The following CRYBA1 variants were observed in gnomAD, a reference collection of about 807,000 sequenced individuals.
CRYBA1 encodes crystallin beta A1, also known as beta-crystallin A3.
A neutral mutation model predicts 36.2 loss-of-function variants in CRYBA1; 25 were observed. That is an observed-to-expected ratio of 0.69 (90% confidence interval 0.50 to 0.97). CRYBA1 has a LOEUF of 0.97. Ranked by LOEUF, CRYBA1 falls within the 50% of genes least tolerant of loss-of-function variation. The probability of loss-of-function intolerance (pLI) is 0.00; values close to 1 mark genes in which losing one functional copy is unlikely to be tolerated. For missense variants in CRYBA1, 224 were observed against 276.3 expected, an observed-to-expected ratio of 0.81 and a Z score of 1.34; for synonymous variants, 111 against 90.0, an observed-to-expected ratio of 1.23 and a Z score of -1.32.
intron 3 of CRYBA1, 136 bp from the exon 4 acceptor site, chr17:29,251,928 A>C: frequency 1.8e-6 from 2 of 1,111,952 alleles, no homozygotes; most frequent in Non-Finnish European, 2.7e-6. Flanking sequence ...TCTTGTGACA[A>C]ATTACTTTGT....
intron 3 of CRYBA1, among the ~76,000 whole-genome samples, 170 bp from the exon 4 acceptor site, chr17:29,251,894 A>G (rs528138213): frequency 1.3e-5 from 2 of 152,318 alleles, no homozygotes; most frequent in African/African-American, 4.8e-5. Flanking sequence ...CCTGCTTAGT[A>G]TACCTGTCAA....
Position 29,254,217 on chromosome 17 carries a change from A to G in CRYBA1, c.516A>G (p.Gln172=), listed in dbSNP as rs1707984511. 6.2e-7 allele frequency: 1 copy of G among 1,614,068 alleles called. No individual in the cohort carries two copies. Among genetic ancestry groups the G allele is most frequent in the East Asian group, 2.2e-5 (1 of 44,894 alleles). The change falls in exon 6 of 6, where the codon CAA becomes CAG. Residue 172 remains glutamine, a synonymous_variant. Transcript: ENST00000225387. The part of the protein sequence containing the change: ...KIQSGAWVCY[Q]YPGYRGYQYI... Reference sequence around the variant, plus strand: ...AATTTCCTAGCTGGGTTTGCTACCAATATCCTGGATATCGTGGGTATCAGT... The same window carrying G: ...AATTTCCTAGCTGGGTTTGCTACCAGTATCCTGGATATCGTGGGTATCAGT...
chr17:29,253,713 A>C lies in CRYBA1; in HGVS notation c.431A>C (p.Asp144Ala). The C allele has an allele frequency of 6.2e-7, 1 of 1,614,190 alleles. No individual in the cohort carries two copies. The highest frequency in any genetic ancestry group is 8.5e-7 in the Non-Finnish European group (1 of 1,180,020). Residue 144 changes from aspartate to alanine, a missense_variant, in exon 5 of 6, where the codon GAC becomes GCC. Transcript: ENST00000225387. ...GGACGCCAGTGGGAGATCTCTGACG[A>C]CTACCCCTCCTTGCAAGCCATGGGC... is the stretch of plus-strand genomic sequence containing the variant. ...FIGRQWEISD[D>A]YPSLQAMGWF...
At chr17:29,249,267 C>T in intron 2 of CRYBA1, 61 bp downstream of exon 2, 1 of 1,171,134 alleles carries the variant, frequency 8.5e-7, no homozygotes, top group Non-Finnish European at 1.3e-6. Flanking sequence ...GAGCAGGCCC[C>T]AGGCCTGTGC....
chr17:29,252,019 TA>T (rs1259120276), intron 3 of CRYBA1, 44 bp from the exon 4 acceptor site: 41 of 1,613,866 alleles, frequency 2.5e-5, no homozygotes, highest in Non-Finnish European at 3.1e-5. Flanking sequence ...CCCAAGGCCA[TA>T]TAGGCTTTGA....
chr17:29,253,737 G>C lies in CRYBA1; in HGVS notation c.455G>C (p.Gly152Ala). The change falls in exon 5 of 6, where the codon GGC becomes GCC. Residue 152 changes from glycine to alanine, a missense_variant. Physicochemically the swap from Gly to Ala is moderately conservative, Grantham distance 60. Coordinates refer to ENST00000225387, the MANE Select transcript of CRYBA1 (RefSeq NM_005208.5). The stretch of plus-strand genomic sequence containing the variant: ...GACTACCCCTCCTTGCAAGCCATGG[G>C]CTGGTTCAACAACGAAGTCGGCTCC... Reference protein sequence around the residue: ...SDDYPSLQAMGWFNNEVGSMK... With the variant: ...SDDYPSLQAMAWFNNEVGSMK... The C allele has an allele frequency of 5.0e-6, 8 of 1,614,172 alleles. No homozygotes were observed. The highest frequency in any genetic ancestry group is 6.8e-6 in the Non-Finnish European group (8 of 1,180,034).
chr17:29,254,297 G>A lies in CRYBA1; in HGVS notation c.596G>A (p.Gly199Asp). 1 of 1,614,024 alleles carries A rather than the reference G, an allele frequency of 6.2e-7. No homozygotes were observed. The highest frequency in any genetic ancestry group is 8.5e-7 in the Non-Finnish European group (1 of 1,179,964). Residue 199 changes from glycine (G) to aspartate (D), a missense_variant, in exon 6 of 6, where the codon GGC becomes GAC. Physicochemically the swap from Gly to Asp is moderately conservative, Grantham distance 94. Transcript: ENST00000225387. ...GGDYKHWREW[G>D]SHAQTSQIQS... Reference sequence around the variant, plus strand: ...GACTATAAACATTGGAGAGAGTGGGGCTCTCATGCCCAGACTTCGCAGATC... The same window carrying A: ...GACTATAAACATTGGAGAGAGTGGGACTCTCATGCCCAGACTTCGCAGATC...
intron 4 of CRYBA1, 77 bp downstream of exon 4, chr17:29,252,282 A>G (rs954260906): frequency 9.5e-6 from 15 of 1,575,608 alleles, no homozygotes; most frequent in African/African-American, 8.1e-5. Context: ...CGTTCATGCT[A>G]TTTATCATCA....
At position 29,249,219 on chromosome 17, in the gene CRYBA1, C is replaced by T. The variant is rs780571680; in HGVS notation, c.96+13C>T. The T allele has an allele frequency of 3.2e-6, 5 of 1,576,638 alleles. No homozygotes were observed. In the Admixed American group the frequency reaches 8.3e-5, roughly 26 times the overall value. On this transcript the variant is annotated intron_variant, in intron 2 of 5. Coordinates refer to ENST00000225387, the MANE Select transcript of CRYBA1 (RefSeq NM_005208.5). ...GGGGCCATGGAAGGTAAGCCCACCC[C>T]CATCACATCCAACAGGGCAGGGGTG...
At chr17:29,247,023 T>C in intron 1 of CRYBA1, 129 bp downstream of exon 1, 1 of 1,035,958 alleles carries the variant, frequency 9.7e-7, no homozygotes, top group South Asian at 1.4e-5. Context: ...AGTGGGGAAC[T>C]CTGGCGGAAG....
Position 29,250,268 on chromosome 17 carries a change from T to G in CRYBA1, c.183T>G (p.Asp61Glu). The G allele has an allele frequency of 6.2e-7, 1 of 1,612,984 alleles. No homozygotes were observed. Among genetic ancestry groups the G allele is most frequent in the Non-Finnish European group, 8.5e-7 (1 of 1,178,938 alleles). ...CAAATGTCTCTGAGCGCAGTTTTGA[T>G]AATGTCCGGTCCCTGAAGGTGGAAA... ...SCPNVSERSF[D>E]NVRSLKVESG... The change falls in exon 3 of 6, where the codon GAT (aspartate) becomes GAG (glutamate). Residue 61 changes from aspartate (D) to glutamate (E), a missense_variant. Physicochemically the swap from Asp to Glu is conservative, Grantham distance 45 (BLOSUM62 2). Transcript: ENST00000225387.
At chr17:29,248,874 G>A (rs994396981) in intron 1 of CRYBA1, among the ~76,000 whole-genome samples, 4 of 152,004 alleles carry the variant, frequency 2.6e-5, no homozygotes, top group African/African-American at 4.8e-5. Context: ...AGGCTGAGGC[G>A]GAAGGATCAC....
Position 29,250,320 on chromosome 17 carries a change from G to A in CRYBA1, c.215+20G>A. On this transcript the variant is annotated intron_variant, in intron 3 of 5. Coordinates refer to ENST00000225387, the MANE Select transcript of CRYBA1 (RefSeq NM_005208.5). ...TGGCGCGTGAGTATGGACTTCCGCA[G>A]AACCGCAGCCCCTTATTTCAGGTCC... 4.4e-6 allele frequency: 6 copies of A among 1,359,926 alleles called. No homozygotes were observed. Among genetic ancestry groups the A allele is most frequent in the Non-Finnish European group, 6.3e-6 (6 of 947,552 alleles). 84.2% of individuals were successfully genotyped at this position (1,359,926 alleles called of 1,614,324 possible). A position where few individuals can be genotyped will look rare whatever the true frequency, so the allele number is the denominator to read the frequency against.
intron 1 of CRYBA1, among the ~76,000 whole-genome samples, chr17:29,248,111 T>C (rs577018908): frequency 2.7e-5 from 4 of 148,300 alleles, no homozygotes; most frequent in South Asian, 2.1e-4. Flanking sequence ...AGTGAAACTC[T>C]ATCTCAAAAA....
intron 4 of CRYBA1, 129 bp downstream of exon 4, chr17:29,252,334 A>C: frequency 7.6e-7 from 1 of 1,311,038 alleles, no homozygotes; most frequent in Non-Finnish European, 1.1e-6. Flanking sequence ...AAGTAAAAAA[A>C]GAGAAAACAT....
intron 1 of CRYBA1, among the ~76,000 whole-genome samples, chr17:29,247,972 C>T (rs1288718120): frequency 8.5e-5 from 13 of 152,072 alleles, no homozygotes; most frequent in Non-Finnish European, 7.4e-5. Flanking sequence ...CAAAATTAGC[C>T]GGGCGTGGTG....
In CRYBA1 at chr17:29,250,352, A is replaced by C. The variant is rs371601324; in HGVS notation, c.215+52A>C. ...AGCCCCTTATTTCAGGTCCCTTCAG[A>C]CAGGGGACCATAGAGTGGGGATAGG... On this transcript the variant is annotated intron_variant, in intron 3 of 5. Coordinates refer to ENST00000225387, the MANE Select transcript of CRYBA1 (RefSeq NM_005208.5). 72 of 1,007,088 alleles carry C rather than the reference A, an allele frequency of 7.1e-5. 1 individual carries two copies. In the East Asian group the frequency reaches 1.3e-3, roughly 19 times the overall value. The allele number at this position is 1,007,088 out of a possible 1,614,324, so 62.4% of individuals were successfully genotyped here.
intron 1 of CRYBA1, among the ~76,000 whole-genome samples, chr17:29,247,452 C>T (rs1167605187): frequency 6.6e-6 from 1 of 152,202 alleles, no homozygotes; most frequent in Non-Finnish European, 1.5e-5. Context: ...ATTCTTAATT[C>T]ATAGTCTGTA....
At chr17:29,251,914 C>A in intron 3 of CRYBA1, 150 bp from the exon 4 acceptor site, 1 of 988,968 alleles carries the variant, frequency 1.0e-6, no homozygotes, top group Admixed American at 1.8e-5. Flanking sequence ...ACTCATTCCT[C>A]AACTCTTGTG....
Sources: gnomAD v4.1 joint callset for allele counts (sites outside exome capture counted in the v4.1 genomes callset) on GRCh38, gnomAD v4.1.1 for gene constraint, MANE v1.5 for transcripts, NCBI Gene and HGNC (gene_info 2026-07-23, HGNC 2026-07-21) for gene names.